The following ANKRD12 variants were observed in gnomAD, a reference collection of about 807,000 sequenced individuals.
The protein encoded by ANKRD12 is ankyrin repeat domain 12, also known as ankyrin repeat domain-containing protein 12.
Under a neutral mutation model 183.4 loss-of-function variants are expected in ANKRD12, and 85 were observed. That is an observed-to-expected ratio of 0.46 (90% confidence interval 0.39 to 0.56). The LOEUF (loss-of-function observed/expected upper bound fraction) is 0.56, where lower values mean the gene tolerates loss of function less well. Ranked by LOEUF, ANKRD12 falls within the 20% of genes least tolerant of loss-of-function variation. ANKRD12 has a pLI of 0.00. For synonymous variants in ANKRD12, 914 were observed against 800.2 expected, an observed-to-expected ratio of 1.14 and a Z score of -2.40; for missense variants, 2,405 against 2,357.1, an observed-to-expected ratio of 1.02 and a Z score of -0.42.
intron 10 of ANKRD12, among the ~76,000 whole-genome samples, chr18:9,273,804 C>T (rs990296784): frequency 3.9e-5 from 6 of 152,152 alleles, no homozygotes; most frequent in Non-Finnish European, 8.8e-5. Context: ...CCTCCCAGAG[C>T]ATTGAGATTA....
At position 9,256,357 on chromosome 18, in the gene ANKRD12, A is replaced by T; in HGVS notation, c.3090A>T (p.Arg1030=). ...KDKDIDRYKE[R]DKHKDKIQIN... ...AAGATATAGATAGATACAAAGAACGAGACAAACATAAAGATAAAATTCAAA... is the reference window on the plus strand; with the variant it reads ...AAGATATAGATAGATACAAAGAACGTGACAAACATAAAGATAAAATTCAAA... Residue 1030 remains arginine (R), a synonymous_variant, in exon 9 of 13, where the codon CGA becomes CGT. Coordinates refer to ENST00000262126, the MANE Select transcript of ANKRD12 (RefSeq NM_015208.5). 6.3e-7 allele frequency: 1 copy of T among 1,597,590 alleles called. No individual in the cohort carries two copies. The highest frequency in any genetic ancestry group is 8.5e-7 in the Non-Finnish European group (1 of 1,172,720).
At chr18:9,226,567 TG>T (rs538407671) in intron 8 of ANKRD12, among the ~76,000 whole-genome samples, 1 of 152,004 alleles carries the variant, frequency 6.6e-6, no homozygotes, top group Admixed American at 6.5e-5. Flanking sequence ...CTGATAAACT[TG>T]GGGGGGTGGA....
At chr18:9,205,089 A>T (rs1431871554) in intron 4 of ANKRD12, among the ~76,000 whole-genome samples, 1 of 152,184 alleles carries the variant, frequency 6.6e-6, no homozygotes, top group Non-Finnish European at 1.5e-5. Context: ...ACCTAGAGAA[A>T]TGCCATTACC....
chr18:9,277,501 G>A (rs1019054412), intron 11 of ANKRD12, among the ~76,000 whole-genome samples: 1 of 151,300 alleles, frequency 6.6e-6, no homozygotes, highest in Non-Finnish European at 1.5e-5. Context: ...CTAATTTTTT[G>A]TATTTTTAGT....
intron 1 of ANKRD12, among the ~76,000 whole-genome samples, chr18:9,172,932 C>T (rs572430339): frequency 1.0e-4 from 15 of 150,260 alleles, no homozygotes; most frequent in African/African-American, 2.4e-4. Flanking sequence ...GACAGAGTCT[C>T]GCCCTGTTGC....
intron 10 of ANKRD12, among the ~76,000 whole-genome samples, chr18:9,272,508 G>A (rs1487020563): frequency 6.6e-6 from 1 of 151,962 alleles, no homozygotes; most frequent in Non-Finnish European, 1.5e-5. Flanking sequence ...GTTGCAGTGA[G>A]CTGATATCAC....
chr18:9,193,555 CATT>C (rs2144371638), intron 2 of ANKRD12, among the ~76,000 whole-genome samples: 1 of 151,852 alleles, frequency 6.6e-6, no homozygotes, highest in Admixed American at 6.6e-5. Flanking sequence ...CTCTGTTTTT[CATT>C]ATTAAGTTCA....
chr18:9,255,868 AAAAG>A lies in ANKRD12; in HGVS notation c.2605_2608del (p.Glu869ArgfsTer53). The A allele has an allele frequency of 1.9e-6, 3 of 1,591,874 alleles. No individual in the cohort carries two copies. The highest frequency in any genetic ancestry group is 1.7e-6 in the Non-Finnish European group (2 of 1,174,190). ...ATCTTAGTGAATGTGTTGATAAAAT[AAAAG>A]AAAAGGACAAGCTATATTCGCATCA... is the stretch of plus-strand genomic sequence containing the variant. On this transcript the variant is annotated frameshift_variant, in exon 9 of 13. Coordinates refer to ENST00000262126, the MANE Select transcript of ANKRD12 (RefSeq NM_015208.5). LOFTEE classifies it high-confidence loss of function.
At chr18:9,210,728 A>AAAAAAAAAAAAAAG (rs1349902649) in intron 5 of ANKRD12, among the ~76,000 whole-genome samples, 1 of 150,322 alleles carries the variant, frequency 6.7e-6, no homozygotes, top group African/African-American at 2.4e-5. Flanking sequence ...TCTGTCTCAA[A>AAAAAAAAAAAAAAG]AAAAAAAAAA....
intron 3 of ANKRD12, among the ~76,000 whole-genome samples, chr18:9,203,538 A>G (rs966146591): frequency 1.1e-4 from 16 of 152,194 alleles, no homozygotes; most frequent in Non-Finnish European, 1.6e-4. Context: ...GTCCATATTC[A>G]TATTTCTCTG....
intron 8 of ANKRD12, among the ~76,000 whole-genome samples, chr18:9,234,337 C>T (rs1013497289): frequency 4.6e-5 from 7 of 152,246 alleles, no homozygotes; most frequent in South Asian, 2.1e-4. Flanking sequence ...CCACCAGTGG[C>T]GGGGCGACGG....
At chr18:9,211,835 A>C in intron 6 of ANKRD12, 51 bp downstream of exon 6, 1 of 1,393,718 alleles carries the variant, frequency 7.2e-7, no homozygotes, top group Non-Finnish European at 1.0e-6. Context: ...ATTTAAACAG[A>C]TCCTGGTTAC....
chr18:9,156,432 AACAG>A (rs2030479023), intron 1 of ANKRD12, among the ~76,000 whole-genome samples: 1 of 152,190 alleles, frequency 6.6e-6, no homozygotes, highest in African/African-American at 2.4e-5. Context: ...GTATTGGTGG[AACAG>A]ACTAGAAAGC....
In ANKRD12 at chr18:9,211,715, C is replaced by T; in HGVS notation, c.583C>T (p.Arg195Ter). The change falls in exon 6 of 13, where the codon CGA becomes TGA. Residue 195 changes from arginine to a stop codon, truncating the protein, a stop_gained. Coordinates refer to ENST00000262126, the MANE Select transcript of ANKRD12 (RefSeq NM_015208.5). LOFTEE classifies it high-confidence loss of function. ...AACTCCTTTACACATGGCTGCTATT[C>T]GAGGAGATGTGAAACAAGTTAAAGA... ...GETPLHMAAI[R>*]GDVKQVKELI... 3 of 1,613,598 alleles carry T rather than the reference C, an allele frequency of 1.9e-6. No individual in the cohort carries two copies. Among genetic ancestry groups the T allele is most frequent in the Non-Finnish European group, 2.5e-6 (3 of 1,179,760 alleles).
intron 8 of ANKRD12, among the ~76,000 whole-genome samples, chr18:9,240,924 AATAT>A (rs1335367289): frequency 6.6e-6 from 1 of 152,152 alleles, no homozygotes; most frequent in African/African-American, 2.4e-5. Flanking sequence ...TACTATTATA[AATAT>A]ATTGTCATAA....
Position 9,258,832 on chromosome 18 carries a change from T to C in ANKRD12, c.5565T>C (p.Ser1855=), listed in dbSNP as rs1381147678. The C allele has an allele frequency of 1.9e-6, 3 of 1,613,952 alleles. No individual in the cohort carries two copies. Among genetic ancestry groups the C allele is most frequent in the East Asian group, 4.5e-5 (2 of 44,880 alleles). ...KIEEKRKLLC[S]VIPQAPQYYD... ...AAGAAAAACGCAAATTACTGTGTAG[T>C]GTGATTCCTCAAGCACCTCAGTACT... is the stretch of plus-strand genomic sequence containing the variant. Residue 1855 remains serine (S), a synonymous_variant, in exon 9 of 13, where the codon AGT becomes AGC. Coordinates refer to ENST00000262126, the MANE Select transcript of ANKRD12 (RefSeq NM_015208.5).
intron 1 of ANKRD12, among the ~76,000 whole-genome samples, chr18:9,150,577 CT>C (rs1177227604): frequency 7.2e-5 from 11 of 152,014 alleles, no homozygotes; most frequent in Admixed American, 6.6e-4. Context: ...GATGCCTGTA[CT>C]TTTTTCTTCA....
chr18:9,159,434 T>C (rs888233328), intron 1 of ANKRD12, among the ~76,000 whole-genome samples: 4 of 152,090 alleles, frequency 2.6e-5, no homozygotes, highest in African/African-American at 9.7e-5. Context: ...TTTTTACTTT[T>C]TTATTTTCAT....
intron 1 of ANKRD12, among the ~76,000 whole-genome samples, chr18:9,163,564 G>C (rs1336876207): frequency 6.6e-6 from 1 of 151,914 alleles, no homozygotes; most frequent in Admixed American, 6.6e-5. Context: ...TTCTAATTCT[G>C]TGAAGAACGT....
Sources: allele counts gnomAD v4.1 joint callset (sites outside exome capture counted in the v4.1 genomes callset), GRCh38; gene constraint gnomAD v4.1.1; transcripts MANE v1.5; gene names NCBI Gene and HGNC (gene_info 2026-07-23, HGNC 2026-07-21).